Variants in VPS53 observed in about 807,000 individuals in gnomAD.
VPS53 encodes vacuolar protein sorting-associated protein 53 homolog.
Under a neutral mutation model 107.0 loss-of-function variants are expected in VPS53, and 70 were observed. The observed-to-expected ratio is 0.65, with a 90% CI of 0.54 to 0.80. The LOEUF (loss-of-function observed/expected upper bound fraction) is 0.80. VPS53 is among the 30% of genes least tolerant of loss of function. VPS53 has a pLI of 0.00. For synonymous variants in VPS53, 409 were observed against 393.3 expected (o/e 1.04, Z -0.47); for missense variants, 917 against 1,049.4 (o/e 0.87, Z 1.74).
intron 7 of VPS53, 41 bp from the exon 8 acceptor site, chr17:631,669 C>A (rs1969967151): frequency 6.3e-7 from 1 of 1,575,430 alleles, no homozygotes; most frequent in South Asian, 1.1e-5. Context: ...GGCATCATAT[C>A]CTTATGTAAC....
At chr17:607,135 C>T (rs189903765) in intron 11 of VPS53, among the ~76,000 whole-genome samples, 273 of 152,242 alleles carry the variant, frequency 1.8e-3, no homozygotes, top group Non-Finnish European at 2.6e-4. Flanking sequence ...GGGTGAGCTA[C>T]GAAACAAGGC....
chr17:584,848 T>C (rs2069631463), intron 13 of VPS53, among the ~76,000 whole-genome samples: 1 of 152,180 alleles, frequency 6.6e-6, no homozygotes, highest in South Asian at 2.1e-4. Flanking sequence ...TATACTGTAT[T>C]ATATAGATGA....
At chr17:599,797 T>A (rs1968244758) in intron 12 of VPS53, 1 of 150,912 alleles carries the variant, frequency 6.6e-6, no homozygotes, top group Admixed American at 6.6e-5. Flanking sequence ...TGACTTGCGA[T>A]AAAACTGCTC....
intron 4 of VPS53, among the ~76,000 whole-genome samples, chr17:689,820 A>C (rs2143850836): frequency 6.6e-6 from 1 of 152,236 alleles, no homozygotes. Context: ...AATTTTGAGG[A>C]AGAAAAGCAA....
intron 12 of VPS53, among the ~76,000 whole-genome samples, chr17:599,561 G>GT (rs1342277612): frequency 6.7e-6 from 1 of 150,028 alleles, no homozygotes; most frequent in Non-Finnish European, 1.5e-5. Flanking sequence ...CAGCATGCTC[G>GT]TTAAGAGTCA....
At chr17:541,381 G>A (rs1040547636) in intron 17 of VPS53, among the ~76,000 whole-genome samples, 6 of 152,192 alleles carry the variant, frequency 3.9e-5, no homozygotes, top group African/African-American at 1.4e-4. Flanking sequence ...GGGGCTGAAG[G>A]AATGTTTATC....
At chr17:672,109 G>GACAA (rs1491463611) in intron 4 of VPS53, among the ~76,000 whole-genome samples, 1 of 108,824 alleles carries the variant, frequency 9.2e-6, no homozygotes, top group African/African-American at 3.4e-5. Flanking sequence ...TGATGAGGGT[G>GACAA]ACACACACAC....
intron 13 of VPS53, among the ~76,000 whole-genome samples, chr17:568,923 G>A (rs117678650): frequency 1.3e-5 from 2 of 152,284 alleles, no homozygotes; most frequent in East Asian, 3.9e-4. Flanking sequence ...CAGCTATAGA[G>A]ACATATACAC....
intron 4 of VPS53, among the ~76,000 whole-genome samples, chr17:678,552 T>C (rs1972254739): frequency 6.6e-6 from 1 of 150,854 alleles, no homozygotes; most frequent in African/African-American, 2.4e-5. Flanking sequence ...CTACAACCTC[T>C]GCCTCCTGGG....
intron 12 of VPS53, among the ~76,000 whole-genome samples, chr17:591,086 T>C (rs1188698720): frequency 4.6e-5 from 7 of 152,222 alleles, no homozygotes; most frequent in Non-Finnish European, 1.0e-4. Context: ...GAGATTCAAC[T>C]TCTTCCTGGT....
chr17:600,019 C>T (rs1968253327), intron 12 of VPS53: 1 of 152,224 alleles, frequency 6.6e-6, no homozygotes, highest in Non-Finnish European at 1.5e-5. Context: ...CTGCTTTACC[C>T]CATGTACTGG....
chr17:644,587 A>AT (rs140406424), intron 7 of VPS53, among the ~76,000 whole-genome samples: 16 of 131,160 alleles, frequency 1.2e-4, no homozygotes, highest in East Asian at 4.0e-4. Flanking sequence ...TTTTAGTGTT[A>AT]TTTTTTTTTT....
rs907417731 is a variant in VPS53, at chr17:592,936, C to CT, written c.1219-6573dup. Among the ~76,000 whole-genome samples the CT allele has an allele frequency of 1.1e-4, 16 of 152,156 alleles. 2 individuals are homozygous for CT. The highest frequency in any genetic ancestry group is 9.8e-4 in the Admixed American group (15 of 15,272). The stretch of plus-strand genomic sequence containing the variant: ...TTCCTGAATCTGAATGTTGGCCTGC[C>CT]TTGCTAGATTGGGGAAGTTCTCCTG... On this transcript the variant is annotated intron_variant, in intron 12 of 21. Transcript: ENST00000437048.
intron 17 of VPS53, among the ~76,000 whole-genome samples, chr17:542,294 T>C (rs1385162712): frequency 1.3e-5 from 2 of 152,220 alleles, no homozygotes; most frequent in African/African-American, 2.4e-5. Context: ...TAAGGAAGCG[T>C]AACTGCTAAG....
chr17:631,668 T>C (rs1458551627), intron 7 of VPS53, 40 bp from the exon 8 acceptor site: 1 of 1,587,524 alleles, frequency 6.3e-7, no homozygotes, highest in African/African-American at 1.3e-5. Flanking sequence ...TGGCATCATA[T>C]CCTTATGTAA....
At chr17:674,102 G>C (rs904766385) in intron 4 of VPS53, 3 of 152,206 alleles carry the variant, frequency 2.0e-5, no homozygotes, top group Admixed American at 6.5e-5. Flanking sequence ...CGGAGGATGA[G>C]AGCATTTCAA....
chr17:631,511 G>A, intron 8 of VPS53, 39 bp downstream of exon 8: 2 of 1,598,438 alleles, frequency 1.3e-6, no homozygotes, highest in Middle Eastern at 1.7e-4. Flanking sequence ...GGCAAGGATG[G>A]TGATCATCTC....
At chr17:629,003 G>A (rs965778695) in intron 8 of VPS53, among the ~76,000 whole-genome samples, 1 of 152,196 alleles carries the variant, frequency 6.6e-6, no homozygotes, top group Admixed American at 6.5e-5. Flanking sequence ...AGAACACTTG[G>A]AATCTACTCC....
chr17:641,667 C>G (rs1359377027), intron 7 of VPS53, among the ~76,000 whole-genome samples: 1 of 152,140 alleles, frequency 6.6e-6, no homozygotes. Flanking sequence ...GTTGCCCAGG[C>G]TGATCTCAAA....
Sources: allele counts gnomAD v4.1 joint callset (sites outside exome capture counted in the v4.1 genomes callset), GRCh38; gene constraint gnomAD v4.1.1; transcripts MANE v1.5; gene names NCBI Gene and HGNC (gene_info 2026-07-23, HGNC 2026-07-21).